Variants in ENTPD1 observed in about 807,000 individuals in gnomAD.
ENTPD1 encodes the protein ATP diphosphohydrolase.
A neutral mutation model predicts 57.0 loss-of-function variants in ENTPD1; 33 were observed. The observed-to-expected ratio is 0.58, with a 90% CI of 0.44 to 0.77. The LOEUF (loss-of-function observed/expected upper bound fraction) is 0.77, where lower values mean the gene tolerates loss of function less well. Ranked by LOEUF, ENTPD1 falls within the 30% of genes least tolerant of loss-of-function variation. ENTPD1 has a pLI of 0.00. For missense variants in ENTPD1, 501 were observed against 603.4 expected (o/e 0.83, Z 1.78); for synonymous variants, 202 against 218.8 (o/e 0.92, Z 0.68).
At chr10:95,756,755 G>T (rs757286622) in intron 1 of ENTPD1, 2 of 153,366 alleles carry the variant, frequency 1.3e-5, no homozygotes, top group African/African-American at 2.4e-5. Flanking sequence ...GTGGCACAAG[G>T]CTGTCACAAC....
At chr10:95,840,945 T>C (rs573915251) in intron 3 of ENTPD1, among the ~76,000 whole-genome samples, 80 of 152,276 alleles carry the variant, frequency 5.3e-4, no homozygotes, top group East Asian at 1.9e-4. Context: ...AGAGAGGAGA[T>C]ATTTCCAAGA....
upstream of ENTPD1, among the ~76,000 whole-genome samples, chr10:95,752,810 G>A (rs1424007773): frequency 6.6e-6 from 1 of 152,126 alleles, no homozygotes; most frequent in Non-Finnish European, 1.5e-5. Flanking sequence ...GGGGTTACAC[G>A]GTGAGCCAAT....
intron 1 of ENTPD1, among the ~76,000 whole-genome samples, chr10:95,713,052 AT>A (rs371967229): frequency 5.5e-5 from 8 of 146,056 alleles, no homozygotes; most frequent in Non-Finnish European, 1.2e-4. Context: ...AAAAAAAAAA[AT>A]AGGCTGTGGC....
intron 1 of ENTPD1, among the ~76,000 whole-genome samples, chr10:95,783,164 A>G (rs2098164693): frequency 6.6e-6 from 1 of 152,150 alleles, no homozygotes; most frequent in Non-Finnish European, 1.5e-5. Context: ...TTTTATGAGT[A>G]GCATTGTTAC....
chr10:95,870,778 A>G lies in ENTPD1; in HGVS notation c.*4395A>G. 2 of 985,450 alleles carry G rather than the reference A, an allele frequency of 2.0e-6. No homozygotes were observed. The highest frequency in any genetic ancestry group is 2.4e-6 in the Non-Finnish European group (2 of 829,928). 61.0% of individuals were successfully genotyped at this position (985,450 alleles called of 1,614,324 possible). A position where few individuals can be genotyped will look rare whatever the true frequency, so the allele number is the denominator to read the frequency against. On this transcript the variant is annotated 3_prime_UTR_variant, in exon 10 of 10. Transcript: ENST00000371205. ...TAGAACATGACAGCTGCTCATAACT[A>G]GCTTTGCTTACTAACCATGTTTCTT...
intron 1 of ENTPD1, among the ~76,000 whole-genome samples, chr10:95,797,470 A>G (rs1280966438): frequency 6.6e-6 from 1 of 152,092 alleles, no homozygotes; most frequent in African/African-American, 2.4e-5. Context: ...GCATTCTTTA[A>G]AGGAATGCCT....
At chr10:95,701,594 G>T in the ENTPD1 span, among the ~76,000 whole-genome samples, 2 of 152,052 alleles carry the variant, frequency 1.3e-5, no homozygotes, top group Non-Finnish European at 2.9e-5. Flanking sequence ...ATCTATAGAT[G>T]GTGTAGAACT....
At chr10:95,799,882 A>C (rs1444882141) in intron 1 of ENTPD1, among the ~76,000 whole-genome samples, 1 of 152,104 alleles carries the variant, frequency 6.6e-6, no homozygotes, top group East Asian at 1.9e-4. Flanking sequence ...TCTAATGATC[A>C]GTGATGTTGA....
At chr10:95,834,219 G>A (rs112187967) in intron 2 of ENTPD1, among the ~76,000 whole-genome samples, 2,114 of 152,252 alleles carry the variant, frequency 0.014, 35 homozygotes, top group Non-Finnish European at 0.019. Flanking sequence ...TGTATAGTAG[G>A]ATATACCATC....
chr10:95,758,304 C>A (rs1475305903), intron 1 of ENTPD1, among the ~76,000 whole-genome samples: 1 of 152,186 alleles, frequency 6.6e-6, no homozygotes, highest in Non-Finnish European at 1.5e-5. Context: ...TTAGTTTCAT[C>A]ATCTGTAACA....
the ENTPD1 span, among the ~76,000 whole-genome samples, chr10:95,696,198 T>C: frequency 6.6e-6 from 1 of 152,192 alleles, no homozygotes; most frequent in Non-Finnish European, 1.5e-5. Context: ...AGAAAAGTTA[T>C]TTTTTTCTCT....
intron 1 of ENTPD1, among the ~76,000 whole-genome samples, chr10:95,731,036 C>A (rs1177487184): frequency 6.6e-6 from 1 of 152,212 alleles, no homozygotes; most frequent in Non-Finnish European, 1.5e-5. Context: ...GATTTTTCTT[C>A]AACTGTTTGG....
intron 1 of ENTPD1, among the ~76,000 whole-genome samples, chr10:95,761,685 A>G (rs1341379865): frequency 6.6e-6 from 1 of 152,206 alleles, no homozygotes; most frequent in Non-Finnish European, 1.5e-5. Context: ...CACAAAAACT[A>G]CTGTTACACA....
At chr10:95,836,117 C>T (rs540381229) in intron 2 of ENTPD1, among the ~76,000 whole-genome samples, 17 of 152,256 alleles carry the variant, frequency 1.1e-4, no homozygotes, top group African/African-American at 2.9e-4. Context: ...TCAGCTTTGT[C>T]AAAGATCAGT....
chr10:95,788,643 G>T (rs1043462152), intron 1 of ENTPD1, among the ~76,000 whole-genome samples: 6 of 151,598 alleles, frequency 4.0e-5, no homozygotes, highest in African/African-American at 1.2e-4. Flanking sequence ...AGAAAAAAGC[G>T]AGTCTAAAAA....
intron 1 of ENTPD1, among the ~76,000 whole-genome samples, chr10:95,818,389 C>G (rs2098337247): frequency 6.6e-6 from 1 of 152,124 alleles, no homozygotes. Flanking sequence ...GCTTGGAGGT[C>G]TAGGTAGACC....
In ENTPD1 at chr10:95,873,022, CA is replaced by C. The variant is rs2098482195; in HGVS notation, c.*6642del. On this transcript the variant is annotated 3_prime_UTR_variant, in exon 10 of 10. Transcript: ENST00000371205. ...TGCATCTCAAAATTTAATGTACATA[CA>C]AATTACCCAGGGATTTTGTTGAAAT... The C allele has an allele frequency of 1.0e-6, 1 of 973,716 alleles. No homozygotes were observed. Among genetic ancestry groups the C allele is most frequent in the South Asian group, 4.7e-5 (1 of 21,056 alleles). The allele number at this position is 973,716 out of a possible 1,614,324, so 60.3% of individuals were successfully genotyped here.
At chr10:95,845,239 C>A in intron 5 of ENTPD1, 118 bp from the exon 6 acceptor site, 1 of 1,429,082 alleles carries the variant, frequency 7.0e-7, no homozygotes, top group Non-Finnish European at 9.8e-7. Context: ...CTCTAGTGAG[C>A]TTTGCCTCAC....
chr10:95,786,182 G>T (rs2098179029), intron 1 of ENTPD1, among the ~76,000 whole-genome samples: 1 of 152,136 alleles, frequency 6.6e-6, no homozygotes, highest in Non-Finnish European at 1.5e-5. Context: ...CCTAGGGATG[G>T]TTTGCCCCTC....
Sources: allele counts gnomAD v4.1 joint callset (sites outside exome capture counted in the v4.1 genomes callset), GRCh38; gene constraint gnomAD v4.1.1; transcripts MANE v1.5; gene names NCBI Gene and HGNC (gene_info 2026-07-23, HGNC 2026-07-21).